PKHD1L1: variants seen among roughly 807,000 people sequenced by gnomAD.
The protein encoded by PKHD1L1 is fibrocystin-L.
In PKHD1L1, 434 loss-of-function variants were observed where a neutral mutation model predicts 462.9. That is an observed-to-expected ratio of 0.94 (90% confidence interval 0.87 to 1.02). PKHD1L1 has a LOEUF of 1.02. Ranked by LOEUF, PKHD1L1 falls within the 50% of genes least tolerant of loss-of-function variation. The probability of loss-of-function intolerance (pLI) is 0.00; values close to 1 mark genes in which losing one functional copy is unlikely to be tolerated. For synonymous variants in PKHD1L1, 1,781 were observed against 1,750.0 expected (o/e 1.02, Z -0.44); for missense variants, 5,202 against 5,096.1 (o/e 1.02, Z -0.63).
intron 6 of PKHD1L1, among the ~76,000 whole-genome samples, chr8:109,387,768 CT>C (rs1287653073): frequency 6.6e-6 from 1 of 152,008 alleles, no homozygotes; most frequent in Non-Finnish European, 1.5e-5. Flanking sequence ...AACAAAAGTC[CT>C]TATTTTTTAT....
intron 21 of PKHD1L1, among the ~76,000 whole-genome samples, chr8:109,418,041 G>A (rs1474432717): frequency 6.6e-6 from 1 of 152,164 alleles, no homozygotes; most frequent in Non-Finnish European, 1.5e-5. Flanking sequence ...TCTAAAAACA[G>A]GCTGCCTTTC....
At chr8:109,470,647 A>T in intron 50 of PKHD1L1, 1 of 1,564,712 alleles carries the variant, frequency 6.4e-7, no homozygotes, top group Non-Finnish European at 8.7e-7. Flanking sequence ...AGAATTGAAA[A>T]GTTTGATATC....
chr8:109,520,764 G>A (rs765206935), intron 73 of PKHD1L1, among the ~76,000 whole-genome samples: 1 of 123,742 alleles, frequency 8.1e-6, no homozygotes, highest in Non-Finnish European at 1.7e-5. Context: ...TGTATTAAAG[G>A]CATTTATGAG....
intron 9 of PKHD1L1, among the ~76,000 whole-genome samples, chr8:109,393,296 T>G (rs1812797723): frequency 6.6e-6 from 1 of 152,170 alleles, no homozygotes. Context: ...AGATTTACAT[T>G]ATTCTTTTAG....
intron 77 of PKHD1L1, among the ~76,000 whole-genome samples, chr8:109,528,411 C>G (rs1249461290): frequency 1.3e-5 from 2 of 152,168 alleles, no homozygotes; most frequent in Non-Finnish European, 2.9e-5. Flanking sequence ...CTCAACTATT[C>G]CTCACTACAT....
chr8:109,485,778 A>T (rs1818494036), intron 58 of PKHD1L1, among the ~76,000 whole-genome samples: 1 of 151,996 alleles, frequency 6.6e-6, no homozygotes, highest in African/African-American at 2.4e-5. Context: ...CAGATGCAAG[A>T]CAGCATGATA....
At chr8:109,527,733 A>T (rs1046422194) in intron 77 of PKHD1L1, among the ~76,000 whole-genome samples, 2 of 151,606 alleles carry the variant, frequency 1.3e-5, no homozygotes, top group Admixed American at 6.6e-5. Flanking sequence ...TCTTGGCTCC[A>T]CTCTCTTTGG....
rs1322283813 is a variant in PKHD1L1, at chr8:109,438,311, C to T, written c.3628-13C>T. ...ACAATTAATATTTTCTAATTTTTTT[C>T]CTCTTATTTTAGAAAACTGAGGGTA... On this transcript the variant is annotated splice_polypyrimidine_tract_variant and intron_variant, in intron 30 of 77. Transcript: ENST00000378402. 2 of 1,446,026 alleles carry T rather than the reference C, an allele frequency of 1.4e-6. No homozygotes were observed. Among genetic ancestry groups the T allele is most frequent in the Admixed American group, 2.5e-5 (1 of 39,332 alleles). The allele number at this position is 1,446,026 out of a possible 1,614,324, so 89.6% of individuals were successfully genotyped here.
At chr8:109,393,910 C>T (rs1812825014) in intron 9 of PKHD1L1, among the ~76,000 whole-genome samples, 2 of 152,050 alleles carry the variant, frequency 1.3e-5, no homozygotes, top group Admixed American at 1.3e-4. Flanking sequence ...GGCGCGGTGG[C>T]TCACGCCTGT....
chr8:109,487,884 GA>G (rs1490736507), intron 59 of PKHD1L1, among the ~76,000 whole-genome samples: 2 of 142,504 alleles, frequency 1.4e-5, no homozygotes, highest in Admixed American at 1.5e-4. Context: ...GAAAGAGAGA[GA>G]GAGAGAGGAA....
At position 109,522,820 on chromosome 8, in the gene PKHD1L1, C is replaced by T. The variant is rs1219364357; in HGVS notation, c.12260C>T (p.Thr4087Ile). ...VAFVSSLLVI[T>I]QPVAAQPGQP... is the part of the protein sequence containing the mutation. ...TTCGTGTCCTCACTCTTAGTGATCA[C>T]TCAGCCGGTGGCAGCACAGCCAGGA... is the stretch of plus-strand genomic sequence containing the variant. The change falls in exon 75 of 78, where the codon ACT (threonine) becomes ATT (isoleucine). Residue 4087 changes from threonine to isoleucine, a missense_variant. Around this residue, in one of 3 missense-constraint regions of PKHD1L1, gnomAD observed 698 missense variants for 736.3 expected, o/e 0.95. Coordinates refer to ENST00000378402, the MANE Select transcript of PKHD1L1 (RefSeq NM_177531.6). 6.2e-7 allele frequency: 1 copy of T among 1,612,442 alleles called. No individual in the cohort carries two copies.
chr8:109,382,632 C>T (rs1812186878), intron 4 of PKHD1L1, 61 bp downstream of exon 4: 2 of 1,358,830 alleles, frequency 1.5e-6, no homozygotes, highest in Admixed American at 2.2e-5. Context: ...TCCTGCAGAA[C>T]TGAATTTTTC....
At position 109,477,438 on chromosome 8, in the gene PKHD1L1, A is replaced by G. The variant is rs776148440; in HGVS notation, c.9089+42A>G. 25 of 1,505,314 alleles carry G rather than the reference A, an allele frequency of 1.7e-5. No individual in the cohort carries two copies. In the African/African-American group the frequency reaches 3.4e-4, roughly 20 times the overall value. 93.2% of individuals were successfully genotyped at this position (1,505,314 alleles called of 1,614,324 possible). A position where few individuals can be genotyped will look rare whatever the true frequency, so the allele number is the denominator to read the frequency against. ...TAGTTGATACCCTTCAATATCTCTT[A>G]ACATAATCCTTTTCACATGTCACTC... On this transcript the variant is annotated intron_variant, in intron 53 of 77. Transcript: ENST00000378402.
intron 57 of PKHD1L1, among the ~76,000 whole-genome samples, chr8:109,484,153 G>C (rs1037341570): frequency 6.6e-6 from 1 of 151,608 alleles, no homozygotes; most frequent in African/African-American, 2.4e-5. Context: ...ATAGAAAGAG[G>C]GTTTATTGAG....
At chr8:109,421,688 G>A in intron 23 of PKHD1L1, among the ~76,000 whole-genome samples, 1 of 152,180 alleles carries the variant, frequency 6.6e-6, no homozygotes, top group East Asian at 1.9e-4. Context: ...CGAGGCTGAG[G>A]CAGGAGAATG....
rs1172292691 is a variant in PKHD1L1, at chr8:109,527,034, A to T, written c.12721+14A>T. ...ATATAACTTTAAGTAAGTACAGTCCATTAATACATTATTTCTCCACATGTT... is the reference window on the plus strand; with the variant it reads ...ATATAACTTTAAGTAAGTACAGTCCTTTAATACATTATTTCTCCACATGTT... On this transcript the variant is annotated intron_variant, in intron 77 of 77. Transcript: ENST00000378402. The T allele has an allele frequency of 3.8e-6, 6 of 1,568,904 alleles. No homozygotes were observed. Among genetic ancestry groups the T allele is most frequent in the Admixed American group, 3.5e-5 (2 of 57,910 alleles).
chr8:109,450,872 T>A (rs1362655713), intron 40 of PKHD1L1, 103 bp from the exon 41 acceptor site: 1 of 1,135,650 alleles, frequency 8.8e-7, no homozygotes, highest in Non-Finnish European at 1.2e-6. Context: ...AAAAGGAAGA[T>A]GATTGTGTGA....
At chr8:109,426,530 G>A (rs991213012) in intron 24 of PKHD1L1, among the ~76,000 whole-genome samples, 1 of 151,946 alleles carries the variant, frequency 6.6e-6, no homozygotes, top group Admixed American at 6.6e-5. Context: ...TAAATTCTTG[G>A]CAGAAGTAGA....
In PKHD1L1 at chr8:109,476,656, T is replaced by C. The variant is rs953985900; in HGVS notation, c.8906T>C (p.Leu2969Pro). 3.1e-6 allele frequency: 5 copies of C among 1,594,480 alleles called. No individual in the cohort carries two copies. The highest frequency in any genetic ancestry group is 4.3e-6 in the Non-Finnish European group (5 of 1,170,656). The change falls in exon 52 of 78, where the codon CTA becomes CCA. Residue 2969 changes from leucine (L) to proline (P), a missense_variant. Leu to Pro is a moderately conservative substitution (Grantham distance 98). Around this residue, in one of 3 missense-constraint regions of PKHD1L1, gnomAD observed 4,497 missense variants for 4,336.8 expected, o/e 1.04. Transcript: ENST00000378402. ...DWHLEANTST[L>P]YYLVSGRNDL... is the part of the protein sequence containing the mutation. Reference sequence around the variant, plus strand: ...CACCTTGAAGCAAACACTAGTACTCTATATTACTTGGGTATGTGTCATTAG... The same window carrying C: ...CACCTTGAAGCAAACACTAGTACTCCATATTACTTGGGTATGTGTCATTAG...
Sources: gnomAD v4.1 joint callset for allele counts (sites outside exome capture counted in the v4.1 genomes callset) on GRCh38, gnomAD v4.1.1 for gene constraint, gnomAD v4.1.1 regional missense constraint, MANE v1.5 for transcripts, NCBI Gene and HGNC (gene_info 2026-07-23, HGNC 2026-07-21) for gene names.